The following PRKCE variants were observed in gnomAD, a reference collection of about 807,000 sequenced individuals.
PRKCE encodes the protein protein kinase C epsilon.
A neutral mutation model predicts 85.4 loss-of-function variants in PRKCE; 16 were observed. That is an observed-to-expected ratio of 0.19 (90% CI 0.13 to 0.28). The LOEUF (loss-of-function observed/expected upper bound fraction) is 0.28, where lower values mean the gene tolerates loss of function less well. Among genes scored for constraint, PRKCE ranks in the 10% least tolerant of loss-of-function variants. The pLI, the probability that PRKCE is intolerant of heterozygous loss-of-function variation, is 1.00. For synonymous variants in PRKCE, 388 were observed against 371.5 expected (o/e 1.04, Z -0.51); for missense variants, 573 against 975.2 (o/e 0.59, Z 5.49).
chr2:45,865,312 G>GA (rs889547974), intron 2 of PRKCE, among the ~76,000 whole-genome samples: 1 of 151,962 alleles, frequency 6.6e-6, no homozygotes. Context: ...AGGAGGAGGA[G>GA]AAAAAAAGAG....
chr2:46,017,588 T>C (rs1228079991), intron 10 of PRKCE, among the ~76,000 whole-genome samples: 3 of 152,252 alleles, frequency 2.0e-5, no homozygotes, highest in Non-Finnish European at 4.4e-5. Flanking sequence ...TCCTGGATCA[T>C]ATAGTAATTC....
At chr2:45,863,366 C>T (rs1693324138) in intron 2 of PRKCE, among the ~76,000 whole-genome samples, 1 of 152,076 alleles carries the variant, frequency 6.6e-6, no homozygotes. Context: ...GTCTTAGAGA[C>T]AGGCTTGTCT....
At chr2:45,784,604 A>C (rs1686450215) in intron 1 of PRKCE, among the ~76,000 whole-genome samples, 1 of 152,224 alleles carries the variant, frequency 6.6e-6, no homozygotes, top group African/African-American at 2.4e-5. Context: ...ATTTTAGATA[A>C]AGTAAGAACA....
intron 2 of PRKCE, among the ~76,000 whole-genome samples, chr2:45,873,476 AC>A (rs142145641): frequency 2.7e-5 from 4 of 150,082 alleles, no homozygotes; most frequent in African/African-American, 9.9e-5. Context: ...AAAAAAAAAA[AC>A]AAAAAAACCT....
At chr2:45,916,682 A>G (rs1478141802) in intron 2 of PRKCE, among the ~76,000 whole-genome samples, 1 of 152,198 alleles carries the variant, frequency 6.6e-6, no homozygotes, top group Non-Finnish European at 1.5e-5. Context: ...CAGTACATTT[A>G]AAAGAGCATA....
chr2:46,058,273 C>T (rs1666783814), intron 10 of PRKCE, among the ~76,000 whole-genome samples: 1 of 152,166 alleles, frequency 6.6e-6, no homozygotes, highest in African/African-American at 2.4e-5. Flanking sequence ...GGCTTGGTGG[C>T]CCATGGCAGG....
intron 1 of PRKCE, among the ~76,000 whole-genome samples, chr2:45,768,663 A>T (rs1685092227): frequency 6.6e-6 from 1 of 152,208 alleles, no homozygotes; most frequent in Non-Finnish European, 1.5e-5. Context: ...TTGAGCAATT[A>T]TGCTGTTTTC....
intron 1 of PRKCE, among the ~76,000 whole-genome samples, chr2:45,657,830 C>T (rs1188981689): frequency 6.6e-6 from 1 of 152,278 alleles, no homozygotes; most frequent in Middle Eastern, 3.4e-3. Context: ...GCTCTGAGGC[C>T]GTTCTCCCTT....
chr2:45,717,363 CTCAA>C (rs1303056417), intron 1 of PRKCE, among the ~76,000 whole-genome samples: 2 of 152,236 alleles, frequency 1.3e-5, no homozygotes, highest in Non-Finnish European at 2.9e-5. Flanking sequence ...CCCCCTCTCT[CTCAA>C]TCAATCATCT....
chr2:45,731,601 T>G (rs2104551421), intron 1 of PRKCE, among the ~76,000 whole-genome samples: 1 of 151,094 alleles, frequency 6.6e-6, no homozygotes, highest in Non-Finnish European at 1.5e-5. Context: ...AACCAAGAAT[T>G]TTCTGAATTC....
chr2:45,919,783 G>T (rs1698116347), intron 2 of PRKCE, among the ~76,000 whole-genome samples: 1 of 152,240 alleles, frequency 6.6e-6, no homozygotes, highest in Non-Finnish European at 1.5e-5. Context: ...ACCATGGCAT[G>T]TGTGGAGTCC....
At chr2:45,983,087 G>C (rs1264124286) in intron 5 of PRKCE, among the ~76,000 whole-genome samples, 2 of 152,232 alleles carry the variant, frequency 1.3e-5, no homozygotes. Flanking sequence ...GGTGAGTATA[G>C]TTGTTTTCAG....
At chr2:45,931,530 C>T (rs183018180) in intron 2 of PRKCE, among the ~76,000 whole-genome samples, 21 of 152,362 alleles carry the variant, frequency 1.4e-4, no homozygotes, top group Non-Finnish European at 1.0e-4. Flanking sequence ...GTTGGAGCCA[C>T]ATGCATTCTT....
intron 1 of PRKCE, among the ~76,000 whole-genome samples, chr2:45,746,296 G>T (rs982757649): frequency 6.6e-6 from 1 of 152,102 alleles, no homozygotes; most frequent in Non-Finnish European, 1.5e-5. Flanking sequence ...AACTCTCTGG[G>T]TATCTAATAG....
intron 10 of PRKCE, among the ~76,000 whole-genome samples, chr2:46,014,808 G>C (rs1431960946): frequency 6.6e-6 from 1 of 152,192 alleles, no homozygotes; most frequent in African/African-American, 2.4e-5. Flanking sequence ...CCTGGACCTG[G>C]AAGCATGGGT....
rs797018373 is a variant in PRKCE at position 45,909,174 on chromosome 2, C to T, written c.412+66111C>T. Reference sequence around the variant, plus strand: ...AGTAATAGTACCACTTCCTTCAATTCGCAGATTATATTGTCTCACAAAGCA... The same window carrying T: ...AGTAATAGTACCACTTCCTTCAATTTGCAGATTATATTGTCTCACAAAGCA... On this transcript the variant is annotated intron_variant, in intron 2 of 14. Coordinates refer to ENST00000306156, the MANE Select transcript of PRKCE (RefSeq NM_005400.3). Among the ~76,000 whole-genome samples, 14 of 152,266 alleles carry T rather than the reference C, an allele frequency of 9.2e-5. 1 individual carries two copies. Among genetic ancestry groups the T allele is most frequent in the African/African-American group, 3.1e-4 (13 of 41,558 alleles).
rs575550089 is a variant in PRKCE, at chr2:45,724,378, C to T, written c.348+71930C>T. Reference sequence around the variant, plus strand: ...CTCCTCCAACTAGCCATTTCCCTGTCTCTCTCCCTCTCCTTCAGCCTCTCT... The same window carrying T: ...CTCCTCCAACTAGCCATTTCCCTGTTTCTCTCCCTCTCCTTCAGCCTCTCT... On this transcript the variant is annotated intron_variant, in intron 1 of 14. Transcript: ENST00000306156. Among the ~76,000 whole-genome samples, 17 of 152,312 alleles carry T rather than the reference C, an allele frequency of 1.1e-4. No individual in the cohort carries two copies. In the South Asian group the frequency reaches 3.5e-3, roughly 32 times the overall value.
In PRKCE at chr2:45,846,496, C is replaced by G. The variant is rs77015776; in HGVS notation, c.412+3433C>G. Among the ~76,000 whole-genome samples, 413 of 152,242 alleles carry G rather than the reference C, an allele frequency of 2.7e-3. 2 individuals carry two copies. The highest frequency in any genetic ancestry group is 9.2e-3 in the African/African-American group (382 of 41,538). On this transcript the variant is annotated intron_variant, in intron 2 of 14. Transcript: ENST00000306156. ...ATGTTTGGATCACCAAACTGTTTCT[C>G]CAACAAAATACAGAGGATACAAAGG...
At chr2:46,125,573 G>A (rs906133722) in intron 11 of PRKCE, among the ~76,000 whole-genome samples, 2 of 152,180 alleles carry the variant, frequency 1.3e-5, no homozygotes, top group Non-Finnish European at 2.9e-5. Context: ...CATCAGGAGA[G>A]AAATGAACTG....
Sources: gnomAD v4.1 joint callset for allele counts (sites outside exome capture counted in the v4.1 genomes callset) on GRCh38, gnomAD v4.1.1 for gene constraint, MANE v1.5 for transcripts, NCBI Gene and HGNC (gene_info 2026-07-23, HGNC 2026-07-21) for gene names.